The following CCDC88C variants were observed in gnomAD, a reference collection of about 807,000 sequenced individuals.
CCDC88C encodes the protein protein Daple.
Under a neutral mutation model 198.8 loss-of-function variants are expected in CCDC88C, and 131 were observed. The ratio of observed to expected loss-of-function variants is 0.66; its 90% confidence interval spans 0.57 to 0.76. The LOEUF is 0.76. CCDC88C is among the 30% of genes least tolerant of loss of function. The probability of loss-of-function intolerance (pLI) is 0.00; values close to 1 mark genes in which losing one functional copy is unlikely to be tolerated. For missense variants in CCDC88C, 2,553 were observed against 2,631.6 expected (o/e 0.97, Z 0.65); for synonymous variants, 1,166 against 1,114.7 (o/e 1.05, Z -0.92).
chr14:91,415,707 C>T (rs1291379992), intron 2 of CCDC88C, among the ~76,000 whole-genome samples: 4 of 149,358 alleles, frequency 2.7e-5, no homozygotes, highest in Admixed American at 2.0e-4. Flanking sequence ...GCAACAAGAG[C>T]GAAACTCCGT....
At chr14:91,384,959 A>G (rs1394796739) in intron 3 of CCDC88C, among the ~76,000 whole-genome samples, 1 of 152,204 alleles carries the variant, frequency 6.6e-6, no homozygotes, top group Non-Finnish European at 1.5e-5. Context: ...TCTAAAGATG[A>G]CAAACTTTTT....
rs900187369 is a variant in CCDC88C at position 91,288,082 on chromosome 14, C to T, written c.4441+1023G>A. On this transcript the variant is annotated intron_variant, in intron 25 of 29. Coordinates refer to ENST00000389857, the MANE Select transcript of CCDC88C (RefSeq NM_001080414.4). This position sits in a 1 kb window ranked among gnomAD's most constrained non-coding sequence, Gnocchi z 4.2. ...TCATCTTGGTCCTATTTTCCTTTTA[C>T]GTGTGTGTACAAAAATCGAATTCTT... Among the ~76,000 whole-genome samples the T allele has an allele frequency of 2.6e-5, 4 of 152,118 alleles. No homozygotes were observed. Among genetic ancestry groups the T allele is most frequent in the East Asian group, 1.9e-4 (1 of 5,198 alleles).
At chr14:91,289,683 TA>T (rs1238873843) in intron 24 of CCDC88C, among the ~76,000 whole-genome samples, 1 of 152,180 alleles carries the variant, frequency 6.6e-6, no homozygotes, top group Non-Finnish European at 1.5e-5. Flanking sequence ...CATTTTCTGC[TA>T]AAGTTAATAA....
In CCDC88C at chr14:91,325,954, T is replaced by C; in HGVS notation, c.1153A>G (p.Lys385Glu). The change falls in exon 11 of 30, where the codon AAG (lysine) becomes GAG (glutamate). Residue 385 changes from lysine (K) to glutamate (E), a missense_variant. Transcript: ENST00000389857. This position sits in a 1 kb window ranked among gnomAD's most constrained non-coding sequence, Gnocchi z 4.1. Reference protein sequence around the residue: ...ARGDKVHELEKENLQLKSKLH... With the variant: ...ARGDKVHELEEENLQLKSKLH... ...TTGGATTTCAGCTGCAGGTTCTCCT[T>C]TTCCAGCTCATGGACTTTATCGCCC... is the stretch of plus-strand genomic sequence containing the variant. 6.4e-7 allele frequency: 1 copy of C among 1,562,602 alleles called. No individual in the cohort carries two copies. Among genetic ancestry groups the C allele is most frequent in the Non-Finnish European group, 8.7e-7 (1 of 1,152,468 alleles).
chr14:91,275,796 C>T lies in CCDC88C; in HGVS notation c.5058+2126G>A, dbSNP rs188680000. On this transcript the variant is annotated intron_variant, in intron 29 of 29. Transcript: ENST00000389857. ...TGCTGGAATGACAGGCATGAGCCAC[C>T]GCTTGGCCTAGACCAGTGGTTCTTT... 1.5e-4 allele frequency among the ~76,000 whole-genome samples: 22 copies of T among 149,304 alleles called. 1 individual carries two copies. In the East Asian group the frequency reaches 3.4e-3, roughly 23 times the overall value.
In CCDC88C at chr14:91,320,048, A is replaced by G. The variant is rs912760447; in HGVS notation, c.1527+1072T>C. Among the ~76,000 whole-genome samples, 76 of 150,948 alleles carry G rather than the reference A, an allele frequency of 5.0e-4. 1 individual carries two copies. Among genetic ancestry groups the G allele is most frequent in the African/African-American group, 1.9e-3 (76 of 40,642 alleles). ...TCAAAAAAAAAAAAAAAAAAAAAAA[A>G]AAAAGAAATGTGTGTTTGGTTGTTG... On this transcript the variant is annotated intron_variant, in intron 13 of 29. Transcript: ENST00000389857.
At chr14:91,330,906 C>T (rs1208197957) in intron 10 of CCDC88C, among the ~76,000 whole-genome samples, 1 of 151,886 alleles carries the variant, frequency 6.6e-6, no homozygotes, top group African/African-American at 2.4e-5. Flanking sequence ...TGGAGAAAGC[C>T]CAGAGGAGAA....
At chr14:91,343,057 T>C (rs1029807454) in intron 5 of CCDC88C, among the ~76,000 whole-genome samples, 1 of 152,128 alleles carries the variant, frequency 6.6e-6, no homozygotes, top group African/African-American at 2.4e-5. Context: ...TGCACTCAAG[T>C]GATCCTCTCG....
chr14:91,337,881 G>A (rs149524924), intron 10 of CCDC88C, 124 bp downstream of exon 10: 21,885 of 1,202,702 alleles, frequency 0.018, 238 homozygotes, highest in Middle Eastern at 0.025. Flanking sequence ...GAGGTGCCGG[G>A]GAAGCATCTG....
At chr14:91,324,648 C>G in intron 12 of CCDC88C, 131 bp downstream of exon 12, 1 of 1,174,512 alleles carries the variant, frequency 8.5e-7, no homozygotes, top group Non-Finnish European at 1.2e-6. Flanking sequence ...CCAAGTGGAG[C>G]TTGAAGGAAA....
Position 91,334,843 on chromosome 14 carries a change from G to A in CCDC88C, c.1050+3162C>T. On this transcript the variant is annotated intron_variant, in intron 10 of 29. Transcript: ENST00000389857. ...TTCACCTCAACCCCAGCAGGGCTCA[G>A]ATGGTACCTGGCTCCCATCTCAAAG... Among the ~76,000 whole-genome samples, 2 of 152,198 alleles carry A rather than the reference G, an allele frequency of 1.3e-5. 1 individual carries two copies. Among genetic ancestry groups the A allele is most frequent in the East Asian group, 3.9e-4 (2 of 5,192 alleles).
In CCDC88C at chr14:91,279,838, G is replaced by A. The variant is rs146810013; in HGVS notation, c.4700-532C>T. 7.4e-3 allele frequency: 1,128 copies of A among 152,486 alleles called. 10 individuals are homozygous for A. The highest frequency in any genetic ancestry group is 0.011 in the Non-Finnish European group (762 of 68,138). 9.4% of individuals were successfully genotyped at this position (152,486 alleles called of 1,614,324 possible). A position where few individuals can be genotyped will look rare whatever the true frequency, so the allele number is the denominator to read the frequency against. Reference sequence around the variant, plus strand: ...CAGGGAGCAGGTGCCAGGGGCCTGGGAAGGAAGGGGGCACTCCCTTCTCCT... The same window carrying A: ...CAGGGAGCAGGTGCCAGGGGCCTGGAAAGGAAGGGGGCACTCCCTTCTCCT... On this transcript the variant is annotated intron_variant, in intron 27 of 29. Coordinates refer to ENST00000389857, the MANE Select transcript of CCDC88C (RefSeq NM_001080414.4).
Position 91,337,834 on chromosome 14 carries a change from G to T in CCDC88C, c.1050+171C>A, listed in dbSNP as rs139205726. Among the ~76,000 whole-genome samples the T allele has an allele frequency of 5.3e-5, 8 of 152,366 alleles. No individual in the cohort carries two copies. In the East Asian group the frequency reaches 1.5e-3, roughly 29 times the overall value. On this transcript the variant is annotated intron_variant, in intron 10 of 29. Coordinates refer to ENST00000389857, the MANE Select transcript of CCDC88C (RefSeq NM_001080414.4). ...TCCCCTGCTGACTGGGAGATGAAGA[G>T]GAGCAAGACGGGGGCCCTGGGAAGC...
chr14:91,325,102 G>A lies in CCDC88C; in HGVS notation c.1198-179C>T, dbSNP rs1369104154. 2.0e-5 allele frequency among the ~76,000 whole-genome samples: 3 copies of A among 152,124 alleles called. No individual in the cohort carries two copies. Among genetic ancestry groups the A allele is most frequent in the African/African-American group, 7.2e-5 (3 of 41,422 alleles). ...ACAGGGCCCTGCTATGAGAGGGAAA[G>A]CCACTCAAAGGTACCCTGACCTGGC... On this transcript the variant is annotated intron_variant, in intron 11 of 29. Coordinates refer to ENST00000389857, the MANE Select transcript of CCDC88C (RefSeq NM_001080414.4). This position sits in a 1 kb window ranked among gnomAD's most constrained non-coding sequence, Gnocchi z 4.1.
intron 3 of CCDC88C, chr14:91,379,939 T>C (rs999326466): frequency 4.3e-6 from 3 of 702,798 alleles, no homozygotes; most frequent in African/African-American, 3.5e-5. Flanking sequence ...GGGGGCTGAA[T>C]ACAGGCTCAC....
intron 10 of CCDC88C, among the ~76,000 whole-genome samples, chr14:91,329,987 A>G (rs1023295437): frequency 6.6e-6 from 1 of 152,226 alleles, no homozygotes; most frequent in African/African-American, 2.4e-5. Context: ...AGAGACAACA[A>G]ATGGGTGTTA....
chr14:91,410,272 A>G (rs1886725952), intron 2 of CCDC88C, among the ~76,000 whole-genome samples: 1 of 152,178 alleles, frequency 6.6e-6, no homozygotes, highest in Non-Finnish European at 1.5e-5. Context: ...GTCCCAAGAC[A>G]CCGCAAAGGA....
At chr14:91,324,579 G>A (rs1483068451) in intron 12 of CCDC88C, among the ~76,000 whole-genome samples, 200 bp downstream of exon 12, 2 of 152,238 alleles carry the variant, frequency 1.3e-5, no homozygotes, top group Non-Finnish European at 2.9e-5. Context: ...TTTGCGTCCT[G>A]ACATCAAGGC....
At position 91,325,683 on chromosome 14, in the gene CCDC88C, C is replaced by T. The variant is rs966039806; in HGVS notation, c.1197+227G>A. On this transcript the variant is annotated intron_variant, in intron 11 of 29. Transcript: ENST00000389857. The surrounding 1 kb of genome is among the most constrained non-coding windows in gnomAD (Gnocchi z 4.1). ...CCTCAACCTCCCAGGCTCAAGCAAC[C>T]CTCCTGCCTCAGTCTCTCCCAAGTA... Among the ~76,000 whole-genome samples the T allele has an allele frequency of 3.3e-5, 5 of 152,262 alleles. No homozygotes were observed. The highest frequency in any genetic ancestry group is 3.3e-4 in the Admixed American group (5 of 15,294).
Sources: gnomAD v4.1 joint callset for allele counts (sites outside exome capture counted in the v4.1 genomes callset) on GRCh38, gnomAD v4.1.1 for gene constraint, Gnocchi (gnomAD v3.1) non-coding constraint, MANE v1.5 for transcripts, NCBI Gene and HGNC (gene_info 2026-07-23, HGNC 2026-07-21) for gene names.